The following CAPZB variants were observed in gnomAD, a reference collection of about 807,000 sequenced individuals.
CAPZB encodes the protein capping actin protein of muscle Z-line subunit beta, also known as F-actin-capping protein subunit beta.
CAPZB carries 2 observed loss-of-function variants against 38.1 expected under a neutral mutation model. The observed-to-expected ratio is 0.05, with a 90% CI of 0.02 to 0.17. The LOEUF is 0.17. Ranked by LOEUF, CAPZB falls within the 10% of genes least tolerant of loss-of-function variation. The pLI, the probability that CAPZB is intolerant of heterozygous loss-of-function variation, is 1.00. For synonymous variants in CAPZB, 107 were observed against 127.4 expected, an observed-to-expected ratio of 0.84 and a Z score of 1.08; for missense variants, 161 against 334.2, an observed-to-expected ratio of 0.48 and a Z score of 4.04.
intron 4 of CAPZB, among the ~76,000 whole-genome samples, chr1:19,373,160 G>A (rs1051123446): frequency 1.3e-5 from 2 of 152,116 alleles, no homozygotes; most frequent in East Asian, 1.9e-4. Flanking sequence ...TGAGAATGCC[G>A]CAGGGACCCA....
At chr1:19,344,785 A>C (rs1010172219) in intron 7 of CAPZB, among the ~76,000 whole-genome samples, 1 of 152,170 alleles carries the variant, frequency 6.6e-6, no homozygotes, top group African/African-American at 2.4e-5. Flanking sequence ...CTGCCTTCCC[A>C]AACAACGTGG....
chr1:19,460,848 T>G (rs1373687840), intron 1 of CAPZB, among the ~76,000 whole-genome samples: 1 of 152,028 alleles, frequency 6.6e-6, no homozygotes, highest in Admixed American at 6.5e-5. Context: ...CACCGACACA[T>G]GATGTCTACT....
At chr1:19,401,029 C>T (rs2094300566) in intron 2 of CAPZB, among the ~76,000 whole-genome samples, 1 of 152,090 alleles carries the variant, frequency 6.6e-6, no homozygotes, top group Non-Finnish European at 1.5e-5. Context: ...ACTCCAGTAG[C>T]TCCATCTAAA....
chr1:19,442,365 G>A (rs1297698373), intron 1 of CAPZB, among the ~76,000 whole-genome samples: 1 of 152,130 alleles, frequency 6.6e-6, no homozygotes, highest in Non-Finnish European at 1.5e-5. Context: ...GAGTGAGCAG[G>A]AGCAGCTGAA....
chr1:19,360,629 C>T (rs1018973206), intron 4 of CAPZB, among the ~76,000 whole-genome samples: 1 of 152,224 alleles, frequency 6.6e-6, no homozygotes, highest in South Asian at 2.1e-4. Flanking sequence ...AGGTGGCCCA[C>T]GGCTGCTTCC....
chr1:19,439,562 G>T (rs1237102076), intron 1 of CAPZB, among the ~76,000 whole-genome samples: 3 of 152,286 alleles, frequency 2.0e-5, no homozygotes, highest in Admixed American at 2.0e-4. Flanking sequence ...CTGGCTGTTT[G>T]GCAGCTCTGC....
chr1:19,407,388 G>A (rs2094337234), intron 2 of CAPZB, among the ~76,000 whole-genome samples: 1 of 152,170 alleles, frequency 6.6e-6, no homozygotes, highest in Admixed American at 6.5e-5. Flanking sequence ...CCCATCACTG[G>A]GAGGTTGTGT....
At chr1:19,481,835 T>C (rs1424169006) in intron 1 of CAPZB, among the ~76,000 whole-genome samples, 1 of 152,172 alleles carries the variant, frequency 6.6e-6, no homozygotes, top group Non-Finnish European at 1.5e-5. Context: ...GCAGGTACAC[T>C]GAACAAGGCT....
chr1:19,367,106 A>G (rs1285432432), intron 4 of CAPZB, among the ~76,000 whole-genome samples: 1 of 152,214 alleles, frequency 6.6e-6, no homozygotes, highest in Non-Finnish European at 1.5e-5. Context: ...CCCCTGTCCA[A>G]TGGATGGGCG....
intron 2 of CAPZB, among the ~76,000 whole-genome samples, chr1:19,412,282 G>C (rs545656505): frequency 6.6e-6 from 1 of 152,234 alleles, no homozygotes; most frequent in East Asian, 1.9e-4. Context: ...GATAACATTC[G>C]GCTCAGAGGA....
intron 2 of CAPZB, among the ~76,000 whole-genome samples, chr1:19,403,625 C>T (rs114157195): frequency 7.6e-4 from 116 of 152,362 alleles, no homozygotes; most frequent in African/African-American, 2.7e-3. Flanking sequence ...TTTGGCAAGA[C>T]TACTCTGTAT....
intron 6 of CAPZB, among the ~76,000 whole-genome samples, chr1:19,346,312 CAAG>C (rs1159795627): frequency 6.6e-6 from 1 of 151,860 alleles, no homozygotes; most frequent in Non-Finnish European, 1.5e-5. Context: ...AGAAACCATG[CAAG>C]AAGTGGCCAT....
At chr1:19,342,698 G>C (rs2093937021) in intron 8 of CAPZB, 1 of 1,119,320 alleles carries the variant, frequency 8.9e-7, no homozygotes, top group Non-Finnish European at 1.3e-6. Context: ...GGTCTCGGCG[G>C]GTTGGTGAGT....
At chr1:19,456,171 CA>C (rs2094532548) in intron 1 of CAPZB, among the ~76,000 whole-genome samples, 1 of 152,206 alleles carries the variant, frequency 6.6e-6, no homozygotes. Flanking sequence ...CTTGGCCTCC[CA>C]AAGTGCTGAA....
At chr1:19,440,028 G>A (rs189118134) in intron 1 of CAPZB, among the ~76,000 whole-genome samples, 25 of 152,276 alleles carry the variant, frequency 1.6e-4, no homozygotes, top group African/African-American at 5.5e-4. Context: ...GGGTGCTACC[G>A]GTTTTCCCTA....
intron 3 of CAPZB, among the ~76,000 whole-genome samples, chr1:19,381,260 C>T (rs1032638874): frequency 6.6e-6 from 1 of 151,040 alleles, no homozygotes; most frequent in Non-Finnish European, 1.5e-5. Flanking sequence ...CTTGCACCCC[C>T]GCCCCCCCAC....
intron 6 of CAPZB, among the ~76,000 whole-genome samples, chr1:19,354,711 G>A (rs2094010824): frequency 6.6e-6 from 1 of 152,212 alleles, no homozygotes; most frequent in Non-Finnish European, 1.5e-5. Flanking sequence ...AAACTATTAG[G>A]AGGGCTGAGG....
At chr1:19,401,514 T>C (rs1451249466) in intron 2 of CAPZB, among the ~76,000 whole-genome samples, 1 of 149,856 alleles carries the variant, frequency 6.7e-6, no homozygotes, top group Non-Finnish European at 1.5e-5. Flanking sequence ...CAGTCCTGTC[T>C]TTTGCCACCT....
chr1:19,473,189 A>T (rs2100787059), intron 1 of CAPZB, among the ~76,000 whole-genome samples: 1 of 152,350 alleles, frequency 6.6e-6, no homozygotes, highest in South Asian at 2.1e-4. Flanking sequence ...TCCTTGGATC[A>T]GACTCCAGGG....
Sources: gnomAD v4.1 joint callset for allele counts (sites outside exome capture counted in the v4.1 genomes callset) on GRCh38, gnomAD v4.1.1 for gene constraint, MANE v1.5 for transcripts, NCBI Gene and HGNC (gene_info 2026-07-23, HGNC 2026-07-21) for gene names.